Variants in PLCL1 observed in about 807,000 individuals in gnomAD.
PLCL1 encodes the protein inactive phospholipase C-like protein 1.
PLCL1 carries 41 observed loss-of-function variants against 84.4 expected under a neutral mutation model. The ratio of observed to expected loss-of-function variants is 0.49; its 90% CI spans 0.38 to 0.63. The LOEUF (loss-of-function observed/expected upper bound fraction) is 0.63. Ranked by LOEUF, PLCL1 falls within the 30% of genes least tolerant of loss-of-function variation. The pLI is 0.00. For missense variants in PLCL1, 1,206 were observed against 1,367.8 expected, an observed-to-expected ratio of 0.88 and a Z score of 1.87; for synonymous variants, 490 against 488.3, an observed-to-expected ratio of 1.00 and a Z score of -0.05.
At chr2:198,131,336 A>G (rs773362691) in intron 5 of PLCL1, among the ~76,000 whole-genome samples, 15 of 152,202 alleles carry the variant, frequency 9.9e-5, no homozygotes, top group Non-Finnish European at 1.5e-4. Context: ...AGAGTTAGGT[A>G]TCCCTGTACG....
chr2:198,095,269 C>T (rs1268356910), intron 3 of PLCL1, among the ~76,000 whole-genome samples: 1 of 152,196 alleles, frequency 6.6e-6, no homozygotes, highest in Non-Finnish European at 1.5e-5. Context: ...AGCATCACTT[C>T]CCCACTCTGG....
At chr2:197,967,606 C>T (rs2105794651) in intron 1 of PLCL1, among the ~76,000 whole-genome samples, 1 of 152,126 alleles carries the variant, frequency 6.6e-6, no homozygotes, top group Middle Eastern at 3.4e-3. Flanking sequence ...GTGACTCTTC[C>T]AGGACTTGTA....
chr2:198,110,776 G>C (rs1296973589), intron 5 of PLCL1, among the ~76,000 whole-genome samples: 1 of 151,806 alleles, frequency 6.6e-6, no homozygotes, highest in East Asian at 1.9e-4. Flanking sequence ...CTGCCTGAGG[G>C]TATATAAAGA....
intron 1 of PLCL1, among the ~76,000 whole-genome samples, chr2:197,849,435 A>T (rs1414240826): frequency 1.3e-5 from 2 of 152,032 alleles, no homozygotes; most frequent in East Asian, 1.9e-4. Context: ...GTGTGCGTGC[A>T]TGTGTGTGTT....
chr2:197,913,520 G>T (rs545651717), intron 1 of PLCL1, among the ~76,000 whole-genome samples: 1 of 152,178 alleles, frequency 6.6e-6, no homozygotes, highest in African/African-American at 2.4e-5. Context: ...GTGGGCAGAG[G>T]TTAGCTATTC....
At chr2:197,862,818 T>G (rs904390320) in intron 1 of PLCL1, among the ~76,000 whole-genome samples, 35 of 152,120 alleles carry the variant, frequency 2.3e-4, no homozygotes, top group African/African-American at 8.2e-4. Flanking sequence ...ACCTTGATTG[T>G]CTCAGGCCTC....
chr2:197,953,402 C>T (rs780069825), intron 1 of PLCL1, among the ~76,000 whole-genome samples: 1 of 152,012 alleles, frequency 6.6e-6, no homozygotes, highest in Non-Finnish European at 1.5e-5. Context: ...CCTCTGGAAG[C>T]CCCCCATGGA....
intron 1 of PLCL1, among the ~76,000 whole-genome samples, chr2:197,929,735 T>C (rs1206673841): frequency 1.3e-5 from 2 of 152,202 alleles, no homozygotes; most frequent in Admixed American, 6.6e-5. Flanking sequence ...TTAAAAATAG[T>C]GCTAGGTAAC....
intron 1 of PLCL1, among the ~76,000 whole-genome samples, chr2:197,857,911 A>G (rs1384381695): frequency 1.3e-5 from 2 of 152,112 alleles, no homozygotes; most frequent in South Asian, 2.1e-4. Context: ...TTGAAAAAAA[A>G]GGAAGCCAAA....
rs140333814 is a variant in PLCL1 at position 197,839,614 on chromosome 2, C to T, written c.240+34275C>T. On this transcript the variant is annotated intron_variant, in intron 1 of 5. Coordinates refer to ENST00000428675, the MANE Select transcript of PLCL1 (RefSeq NM_006226.4). Reference sequence around the variant, plus strand: ...GCCACAGACTGACACCGGTCCGTAGCCATGGGATTGGGGACCCCTCTTCTA... The same window carrying T: ...GCCACAGACTGACACCGGTCCGTAGTCATGGGATTGGGGACCCCTCTTCTA... Among the ~76,000 whole-genome samples the T allele has an allele frequency of 5.3e-5, 8 of 152,284 alleles. No individual in the cohort carries two copies. The East Asian group carries it at 1.3e-3, about 26-fold the overall frequency.
At chr2:198,117,727 A>T (rs915648521) in intron 5 of PLCL1, among the ~76,000 whole-genome samples, 7 of 152,078 alleles carry the variant, frequency 4.6e-5, no homozygotes, top group Middle Eastern at 3.4e-3. Flanking sequence ...AGTCTTGTAT[A>T]GGAAAAGTAT....
intron 1 of PLCL1, among the ~76,000 whole-genome samples, chr2:197,932,362 AAATTT>A (rs1455064426): frequency 2.0e-5 from 3 of 152,084 alleles, no homozygotes; most frequent in African/African-American, 4.8e-5. Context: ...TATTTTTTAA[AAATTT>A]AATTTAATTT....
intron 1 of PLCL1, among the ~76,000 whole-genome samples, chr2:197,958,553 G>A (rs559518915): frequency 6.6e-6 from 1 of 152,076 alleles, no homozygotes; most frequent in East Asian, 1.9e-4. Flanking sequence ...TAACCACATT[G>A]ATCTTTGCTT....
chr2:198,060,195 C>G (rs1692158260), intron 1 of PLCL1, among the ~76,000 whole-genome samples: 1 of 152,130 alleles, frequency 6.6e-6, no homozygotes, highest in Non-Finnish European at 1.5e-5. Flanking sequence ...AGAAACAAAA[C>G]CTTTGATAGT....
At chr2:197,974,975 A>G (rs2105800055) in intron 1 of PLCL1, among the ~76,000 whole-genome samples, 1 of 151,866 alleles carries the variant, frequency 6.6e-6, no homozygotes, top group African/African-American at 2.4e-5. Context: ...CCCCGTCTCT[A>G]CTAAAAATAC....
chr2:198,093,447 A>G (rs1693102947), intron 3 of PLCL1, among the ~76,000 whole-genome samples: 2 of 152,094 alleles, frequency 1.3e-5, no homozygotes, highest in Admixed American at 1.3e-4. Context: ...CAAACTTGAA[A>G]CTTCTCGTAA....
intron 1 of PLCL1, among the ~76,000 whole-genome samples, chr2:197,878,269 T>A (rs996165551): frequency 2.6e-5 from 4 of 152,164 alleles, no homozygotes; most frequent in African/African-American, 9.7e-5. Flanking sequence ...ACATTCTGTT[T>A]ATTTTTCTTT....
rs576762049 is a variant in PLCL1 at position 198,077,695 on chromosome 2, G to T, written c.241-6063G>T. ...ACTGCAGCCCAGACTTCTCCCTGGA[G>T]GTTTGACTCATATATCCAACTTTCC... On this transcript the variant is annotated intron_variant, in intron 1 of 5. Coordinates refer to ENST00000428675, the MANE Select transcript of PLCL1 (RefSeq NM_006226.4). Among the ~76,000 whole-genome samples the T allele has an allele frequency of 2.0e-5, 3 of 152,262 alleles. No homozygotes were observed. In the South Asian group the frequency reaches 6.2e-4, roughly 32 times the overall value.
At chr2:198,120,793 C>G (rs186788868) in intron 5 of PLCL1, among the ~76,000 whole-genome samples, 7 of 152,156 alleles carry the variant, frequency 4.6e-5, no homozygotes, top group African/African-American at 1.7e-4. Flanking sequence ...GTGCAGGTAA[C>G]TCTTTGATAT....
Sources: allele counts gnomAD v4.1 joint callset (sites outside exome capture counted in the v4.1 genomes callset), GRCh38; gene constraint gnomAD v4.1.1; transcripts MANE v1.5; gene names NCBI Gene and HGNC (gene_info 2026-07-23, HGNC 2026-07-21).